CCT4: variants seen among roughly 807,000 people sequenced by gnomAD.
The protein encoded by CCT4 is T-complex protein 1 subunit delta.
A neutral mutation model predicts 62.5 loss-of-function variants in CCT4; 17 were observed. That is an observed-to-expected ratio of 0.27 (90% CI 0.19 to 0.41). The LOEUF (loss-of-function observed/expected upper bound fraction) is 0.41. CCT4 is among the 10% of genes least tolerant of loss of function. The probability of loss-of-function intolerance (pLI) is 1.00; values close to 1 mark genes in which losing one functional copy is unlikely to be tolerated. For missense variants in CCT4, 592 were observed against 659.2 expected (o/e 0.90, Z 1.12); for synonymous variants, 250 against 229.9 (o/e 1.09, Z -0.79).
At chr2:61,880,019 C>G (rs1372472749) in intron 4 of CCT4, among the ~76,000 whole-genome samples, 1 of 152,002 alleles carries the variant, frequency 6.6e-6, no homozygotes, top group Non-Finnish European at 1.5e-5. Flanking sequence ...TGAGCCACCA[C>G]GCCCGGCCTC....
rs1370760618 is a variant in CCT4 at position 61,873,088 on chromosome 2, G to C, written c.1039C>G (p.His347Asp). ...CKTIGTKPVA[H>D]IDQFTADMLG... Reference sequence around the variant, plus strand: ...ATGTCAGCAGTAAATTGGTCAATATGAGCAACTGGCTTGGTTCCAATTGTC... The same window carrying C: ...ATGTCAGCAGTAAATTGGTCAATATCAGCAACTGGCTTGGTTCCAATTGTC... The change falls in exon 10 of 14, where the codon CAT becomes GAT. Residue 347 changes from histidine to aspartate, a missense_variant. By Grantham distance (81) the His-to-Asp change is moderately conservative (BLOSUM62 -1). This residue lies in a region of CCT4 where 522 missense variants were observed against 571.2 expected (regional missense o/e 0.91). Transcript: ENST00000394440. 8.1e-6 allele frequency: 13 copies of C among 1,610,968 alleles called. No homozygotes were observed. The highest frequency in any genetic ancestry group is 1.0e-5 in the Non-Finnish European group (12 of 1,177,232).
At chr2:61,886,765 C>CTT (rs111946452) in intron 1 of CCT4, among the ~76,000 whole-genome samples, 4 of 145,802 alleles carry the variant, frequency 2.7e-5, no homozygotes, top group Non-Finnish European at 3.0e-5. Context: ...CCAAATTTAT[C>CTT]TTTTTTTTTT....
intron 8 of CCT4, among the ~76,000 whole-genome samples, chr2:61,874,957 T>G (rs1668966249): frequency 1.3e-5 from 2 of 151,918 alleles, no homozygotes; most frequent in South Asian, 2.1e-4. Context: ...CCAGCCTGAC[T>G]AACAGAGAAA....
intron 9 of CCT4, 41 bp from the exon 10 acceptor site, chr2:61,873,153 T>C (rs547107601): frequency 6.8e-7 from 1 of 1,468,016 alleles, no homozygotes; most frequent in East Asian, 2.3e-5. Flanking sequence ...GACATTTATC[T>C]AATTATCAGA....
At chr2:61,880,007 C>A (rs1043110455) in intron 4 of CCT4, among the ~76,000 whole-genome samples, 2 of 152,286 alleles carry the variant, frequency 1.3e-5, no homozygotes, top group Middle Eastern at 3.4e-3. Context: ...GAATTACAGG[C>A]ATGAGCCACC....
At chr2:61,875,473 G>A (rs1031350249) in intron 8 of CCT4, among the ~76,000 whole-genome samples, 3 of 151,516 alleles carry the variant, frequency 2.0e-5, no homozygotes, top group Non-Finnish European at 4.4e-5. Context: ...CCAGCTACTC[G>A]GGAGGCTGAG....
Position 61,868,170 on chromosome 2 carries a change from C to A in CCT4, c.*522G>T, listed in dbSNP as rs1230834485. 6.5e-6 allele frequency: 1 copy of A among 153,426 alleles called. No homozygotes were observed. Among genetic ancestry groups the A allele is most frequent in the Admixed American group, 6.5e-5 (1 of 15,488 alleles). 9.5% of individuals were successfully genotyped at this position (153,426 alleles called of 1,614,324 possible). On this transcript the variant is annotated 3_prime_UTR_variant, in exon 14 of 14. Transcript: ENST00000394440. The stretch of plus-strand genomic sequence containing the variant: ...TGCAGAAGGAATCCAACACAGCAGT[C>A]ATTATTACTGGGAAAAGGAATTAGG...
intron 2 of CCT4, among the ~76,000 whole-genome samples, chr2:61,884,239 T>C (rs141505443): frequency 5.6e-4 from 86 of 152,350 alleles, no homozygotes; most frequent in African/African-American, 1.8e-3. Flanking sequence ...ATATGAATTA[T>C]AGTTTAGTCC....
intron 10 of CCT4, among the ~76,000 whole-genome samples, 199 bp from the exon 11 acceptor site, chr2:61,872,787 C>T (rs1007008706): frequency 2.0e-5 from 3 of 152,042 alleles, no homozygotes; most frequent in Non-Finnish European, 4.4e-5. Flanking sequence ...ATTAGCAGGG[C>T]GTGGTGGCAG....
At chr2:61,877,976 A>C (rs1669036494) in intron 5 of CCT4, among the ~76,000 whole-genome samples, 1 of 152,184 alleles carries the variant, frequency 6.6e-6, no homozygotes, top group Non-Finnish European at 1.5e-5. Flanking sequence ...CAGATGGAGA[A>C]ACTGAAGCCA....
intron 12 of CCT4, among the ~76,000 whole-genome samples, chr2:61,869,983 A>G (rs1261397243): frequency 6.7e-6 from 1 of 150,204 alleles, no homozygotes; most frequent in Admixed American, 6.6e-5. Flanking sequence ...GTAGTTAAAA[A>G]TTATGATATC....
chr2:61,871,900 C>T (rs972234398), intron 12 of CCT4, among the ~76,000 whole-genome samples, 182 bp downstream of exon 12: 6 of 152,160 alleles, frequency 3.9e-5, no homozygotes, highest in African/African-American at 1.2e-4. Context: ...TAATACTTCC[C>T]CCTAAGGTGT....
At position 61,877,525 on chromosome 2, in the gene CCT4, T is replaced by TAAA. The variant is rs11371205; in HGVS notation, c.523-14_523-12dup. 1.7e-5 allele frequency: 22 copies of TAAA among 1,309,446 alleles called. No individual in the cohort carries two copies. Among genetic ancestry groups the TAAA allele is most frequent in the South Asian group, 3.0e-5 (2 of 65,598 alleles). 81.1% of individuals were successfully genotyped at this position (1,309,446 alleles called of 1,614,324 possible). A position where few individuals can be genotyped will look rare whatever the true frequency, so the allele number is the denominator to read the frequency against. ...ATACTGAGAAACCACCTAGAATTAT[T>TAAA]AAAAAAAAAAAAAAGTTACCTTCAC... On this transcript the variant is annotated splice_polypyrimidine_tract_variant and intron_variant, in intron 5 of 13. Transcript: ENST00000394440.
chr2:61,888,338 G>A (rs1179908236), intron 1 of CCT4, 43 bp downstream of exon 1: 2 of 1,597,934 alleles, frequency 1.3e-6, no homozygotes, highest in Non-Finnish European at 8.5e-7. Context: ...AGAGCGCAGA[G>A]CACAACCCCG....
intron 4 of CCT4, 28 bp downstream of exon 4, chr2:61,880,258 A>T: frequency 8.3e-7 from 1 of 1,211,080 alleles, no homozygotes; most frequent in East Asian, 2.5e-5. Context: ...ACTTTTCTTT[A>T]TTCAGTAATA....
intron 11 of CCT4, 38 bp downstream of exon 11, chr2:61,872,420 G>C (rs1199081358): frequency 6.5e-7 from 1 of 1,535,144 alleles, no homozygotes; most frequent in Non-Finnish European, 8.9e-7. Flanking sequence ...TAGTTTTAAT[G>C]TTCAAAATGT....
At chr2:61,885,742 C>G (rs553912759) in intron 1 of CCT4, 1 of 152,280 alleles carries the variant, frequency 6.6e-6, no homozygotes, top group South Asian at 2.1e-4. Context: ...TGGCAGAATA[C>G]ATTTTGAGGA....
At chr2:61,879,879 C>T (rs960504109) in intron 4 of CCT4, among the ~76,000 whole-genome samples, 36 of 152,016 alleles carry the variant, frequency 2.4e-4, no homozygotes, top group Non-Finnish European at 4.1e-4. Flanking sequence ...TACAGGCACG[C>T]GCCACCATGC....
intron 1 of CCT4, among the ~76,000 whole-genome samples, chr2:61,885,296 T>C (rs1418718389): frequency 6.6e-6 from 1 of 152,106 alleles, no homozygotes; most frequent in African/African-American, 2.4e-5. Flanking sequence ...ATATAGTGCA[T>C]AACAAATCAC....
Sources: gnomAD v4.1 joint callset for allele counts (sites outside exome capture counted in the v4.1 genomes callset) on GRCh38, gnomAD v4.1.1 for gene constraint, gnomAD v4.1.1 regional missense constraint, MANE v1.5 for transcripts, NCBI Gene and HGNC (gene_info 2026-07-23, HGNC 2026-07-21) for gene names.